SYNE1: variants seen among roughly 807,000 people sequenced by gnomAD.
SYNE1 encodes the protein nesprin-1.
Under a neutral mutation model 1,111.0 loss-of-function variants are expected in SYNE1, and 616 were observed. That is an observed-to-expected ratio of 0.55 (90% confidence interval 0.52 to 0.59). The LOEUF (loss-of-function observed/expected upper bound fraction) is 0.59. SYNE1 is among the 20% of genes least tolerant of loss of function. SYNE1 has a pLI of 0.00. For synonymous variants in SYNE1, 3,855 were observed against 3,825.8 expected, an observed-to-expected ratio of 1.01 and a Z score of -0.28; for missense variants, 10,006 against 10,417.0, an observed-to-expected ratio of 0.96 and a Z score of 1.72.
chr6:152,585,581 G>A (rs995638908), intron 3 of SYNE1, among the ~76,000 whole-genome samples: 3 of 152,090 alleles, frequency 2.0e-5, no homozygotes, highest in Non-Finnish European at 2.9e-5. Flanking sequence ...TGTCATATTT[G>A]TGACACATTT....
chr6:152,274,219 C>T (rs145348210), intron 98 of SYNE1, among the ~76,000 whole-genome samples: 18 of 152,292 alleles, frequency 1.2e-4, no homozygotes, highest in Non-Finnish European at 2.1e-4. Flanking sequence ...ATTACAAAGT[C>T]ACATTGCATG....
intron 2 of SYNE1, among the ~76,000 whole-genome samples, chr6:152,632,014 C>T (rs1406183413): frequency 1.3e-5 from 2 of 152,148 alleles, no homozygotes; most frequent in Non-Finnish European, 2.9e-5. Context: ...CCTAAACACA[C>T]CAACCAACAC....
chr6:152,295,117 A>G (rs1027676084), intron 93 of SYNE1, among the ~76,000 whole-genome samples: 1 of 152,238 alleles, frequency 6.6e-6, no homozygotes, highest in African/African-American at 2.4e-5. Flanking sequence ...CTGAGATTCT[A>G]GCGAAATTCT....
At chr6:152,512,220 A>G (rs2099088565) in intron 6 of SYNE1, among the ~76,000 whole-genome samples, 1 of 152,192 alleles carries the variant, frequency 6.6e-6, no homozygotes, top group Non-Finnish European at 1.5e-5. Context: ...ATGATTTGAG[A>G]TATACCTATG....
At chr6:152,456,396 A>G (rs2098696193) in intron 22 of SYNE1, among the ~76,000 whole-genome samples, 1 of 152,104 alleles carries the variant, frequency 6.6e-6, no homozygotes, top group Admixed American at 6.6e-5. Flanking sequence ...GTTTATTGAG[A>G]GAACAATCAT....
intron 140 of SYNE1, among the ~76,000 whole-genome samples, chr6:152,138,384 G>T (rs1050515093): frequency 6.6e-6 from 1 of 151,996 alleles, no homozygotes; most frequent in African/African-American, 2.4e-5. Context: ...GGTGGTGCAT[G>T]CCTGTAGTCC....
rs13191697 is a variant in SYNE1, at chr6:152,425,716, C to T, written c.5101-169G>A. 0.02 allele frequency among the ~76,000 whole-genome samples: 3,006 copies of T among 152,230 alleles called. 52 individuals carry two copies. Among genetic ancestry groups the T allele is most frequent in the Non-Finnish European group, 0.033 (2,269 of 68,022 alleles). ...TTGATTTAGAAATGGATCCACTTAA[C>T]CTTTTAAAGGAATTTGGTTCATCCA... On this transcript the variant is annotated intron_variant, in intron 38 of 145. Coordinates refer to ENST00000367255, the MANE Select transcript of SYNE1 (RefSeq NM_182961.4).
Position 152,176,578 on chromosome 6 carries a change from A to G in SYNE1, c.23461-18T>C, listed in dbSNP as rs756352565. 3.7e-6 allele frequency: 6 copies of G among 1,612,984 alleles called. No individual in the cohort carries two copies. Among genetic ancestry groups the G allele is most frequent in the African/African-American group, 2.7e-5 (2 of 74,912 alleles). ...TGATAATCCTGTGTAATAAATAGCA[A>G]TCACAGAGGTCAGAAAGCATATTCT... On this transcript the variant is annotated intron_variant, in intron 129 of 145. Transcript: ENST00000367255.
rs1554405787 is a variant in SYNE1, at chr6:152,308,619, T to G, written c.17216A>C (p.Gln5739Pro). The G allele has an allele frequency of 6.2e-7, 1 of 1,603,648 alleles. No homozygotes were observed. The highest frequency in any genetic ancestry group is 8.5e-7 in the Non-Finnish European group (1 of 1,177,926). Residue 5739 changes from glutamine to proline, a missense_variant, in exon 91 of 146, where the codon CAA becomes CCA. Physicochemically the swap from Gln to Pro is moderately conservative, Grantham distance 76. Around this residue, in one of 7 missense-constraint regions of SYNE1, gnomAD observed 4,955 missense variants for 5,017.2 expected, o/e 0.99. Transcript: ENST00000367255. ...CATTTCTTGCTCATATTGTTCATAT[T>G]GTACCACAGCTTCCTTTGAAAAAAA... ...QCNIMQEAVV[Q>P]YEQYEQEMKH...
rs900407475 is a variant in SYNE1 at position 152,344,591 on chromosome 6, C to A, written c.12079-364G>T. Among the ~76,000 whole-genome samples, 8 of 152,120 alleles carry A rather than the reference C, an allele frequency of 5.3e-5. No individual in the cohort carries two copies. In the South Asian group the frequency reaches 1.2e-3, roughly 24 times the overall value. ...TTCTCTTCCTATGGTATAAATATTG[C>A]ACTTTTTGTTTAAGCTAGCAACTAA... On this transcript the variant is annotated intron_variant, in intron 73 of 145. Coordinates refer to ENST00000367255, the MANE Select transcript of SYNE1 (RefSeq NM_182961.4).
intron 101 of SYNE1, among the ~76,000 whole-genome samples, chr6:152,257,857 A>C (rs2091199297): frequency 6.6e-6 from 1 of 152,168 alleles, no homozygotes; most frequent in Admixed American, 6.5e-5. Flanking sequence ...AAATCATGCC[A>C]AAAAATTCCC....
At chr6:152,575,335 A>T (rs2099491972) in intron 3 of SYNE1, among the ~76,000 whole-genome samples, 1 of 152,150 alleles carries the variant, frequency 6.6e-6, no homozygotes, top group African/African-American at 2.4e-5. Flanking sequence ...TGTTTCATGG[A>T]CGAATGACAT....
Position 152,255,605 on chromosome 6 carries a change from G to A in SYNE1, c.19246C>T (p.Leu6416Phe). The change falls in exon 103 of 146, where the codon CTC becomes TTC. Residue 6416 changes from leucine to phenylalanine, a missense_variant. Around this residue, in one of 7 missense-constraint regions of SYNE1, gnomAD observed 2,182 missense variants for 2,287.8 expected, o/e 0.95. Coordinates refer to ENST00000367255, the MANE Select transcript of SYNE1 (RefSeq NM_182961.4). ...ALLPEETETC[L>F]FNQEILAKDI... ...ACTAAACCTACCTCTTGGTTGAAGAGACAAGTCTCTGTTTCTTCTGGTAAA... is the reference window on the plus strand; with the variant it reads ...ACTAAACCTACCTCTTGGTTGAAGAAACAAGTCTCTGTTTCTTCTGGTAAA... 1 of 1,614,204 alleles carries A rather than the reference G, an allele frequency of 6.2e-7. No individual in the cohort carries two copies. The highest frequency in any genetic ancestry group is 8.5e-7 in the Non-Finnish European group (1 of 1,180,032).
At chr6:152,533,665 G>T (rs1291621247) in intron 4 of SYNE1, among the ~76,000 whole-genome samples, 1 of 151,912 alleles carries the variant, frequency 6.6e-6, no homozygotes, top group Non-Finnish European at 1.5e-5. Flanking sequence ...TTCTGCCCTT[G>T]CTTCTCTTCA....
At chr6:152,256,802 T>C in intron 101 of SYNE1, 37 bp from the exon 102 acceptor site, 5 of 1,610,990 alleles carry the variant, frequency 3.1e-6, no homozygotes, top group Non-Finnish European at 4.2e-6. Flanking sequence ...GAAGAGCATA[T>C]GCATTATGTC....
Position 152,483,155 on chromosome 6 carries a change from T to C in SYNE1, c.1280A>G (p.Glu427Gly), listed in dbSNP as rs1207413097. The change falls in exon 14 of 146, where the codon GAG (glutamate) becomes GGG (glycine). Residue 427 changes from glutamate to glycine, a missense_variant. Glu to Gly is a moderately conservative substitution (Grantham distance 98, BLOSUM62 -2). This residue lies in a region of SYNE1 where 1,971 missense variants were observed against 2,084.1 expected (regional missense o/e 0.95). Transcript: ENST00000367255. Reference sequence around the variant, plus strand: ...GTGGACCTGTTGAACGGTTATTTCCTCTCTCAGGGCCACCTCCGCTCTGTA... The same window carrying C: ...GTGGACCTGTTGAACGGTTATTTCCCCTCTCAGGGCCACCTCCGCTCTGTA... ...WLYRAEVALR[E>G]EITVQQVHEE... 6.2e-7 allele frequency: 1 copy of C among 1,614,064 alleles called. No homozygotes were observed. Among genetic ancestry groups the C allele is most frequent in the East Asian group, 2.2e-5 (1 of 44,892 alleles).
At chr6:152,343,671 G>A (rs936902589) in intron 74 of SYNE1, among the ~76,000 whole-genome samples, 3 of 151,718 alleles carry the variant, frequency 2.0e-5, no homozygotes, top group East Asian at 3.9e-4. Context: ...AGGCGGGTAG[G>A]TACCCTGCTA....
intron 125 of SYNE1, 140 bp downstream of exon 125, chr6:152,207,832 T>C: frequency 1.2e-6 from 1 of 835,328 alleles, no homozygotes; most frequent in Non-Finnish European, 2.0e-6. Flanking sequence ...AATCATTTTG[T>C]ATATTTCTGT....
rs775233950 is a variant in SYNE1, at chr6:152,254,875, C to T, written c.19470+5G>A. ...TCACGTATCCTTTGATAATATCTTA[C>T]TTACCTGGAAATTTAGTATTTGCTG... On this transcript the variant is annotated splice_donor_5th_base_variant and intron_variant, in intron 104 of 145. Transcript: ENST00000367255. The T allele has an allele frequency of 1.1e-4, 178 of 1,612,200 alleles. 3 individuals are homozygous for T. In the South Asian group the frequency reaches 1.6e-3, roughly 15 times the overall value.
Sources: gnomAD v4.1 joint callset for allele counts (sites outside exome capture counted in the v4.1 genomes callset) on GRCh38, gnomAD v4.1.1 for gene constraint, gnomAD v4.1.1 regional missense constraint, MANE v1.5 for transcripts, NCBI Gene and HGNC (gene_info 2026-07-23, HGNC 2026-07-21) for gene names.